Variants in PPWD1 observed in about 807,000 individuals in gnomAD.
The protein encoded by PPWD1 is peptidylprolyl isomerase domain and WD repeat containing 1.
PPWD1 carries 43 observed loss-of-function variants against 68.8 expected under a neutral mutation model. The observed-to-expected ratio is 0.62, with a 90% CI of 0.49 to 0.81. The LOEUF (loss-of-function observed/expected upper bound fraction) is 0.81, where lower values mean the gene tolerates loss of function less well. Ranked by LOEUF, PPWD1 falls within the 30% of genes least tolerant of loss-of-function variation. The pLI is 0.00. For missense variants in PPWD1, 672 were observed against 804.8 expected, an observed-to-expected ratio of 0.83 and a Z score of 2.00; for synonymous variants, 232 against 258.7, an observed-to-expected ratio of 0.90 and a Z score of 0.99.
chr5:65,579,234 C>T, intron 6 of PPWD1, 190 bp from the exon 7 acceptor site: 2 of 959,292 alleles, frequency 2.1e-6, no homozygotes, highest in Middle Eastern at 3.7e-4. Flanking sequence ...TGTTTTTTAA[C>T]CTGAAAATTA....
chr5:65,569,452 C>G (rs1752918280), intron 2 of PPWD1, 180 bp from the exon 3 acceptor site: 6 of 507,836 alleles, frequency 1.2e-5, no homozygotes, highest in Non-Finnish European at 1.9e-5. Context: ...TTTTGACATC[C>G]AGAAAGGAGT....
At position 65,576,957 on chromosome 5, in the gene PPWD1, T is replaced by G; in HGVS notation, c.1048T>G (p.Leu350Val). The G allele has an allele frequency of 6.2e-7, 1 of 1,613,984 alleles. No homozygotes were observed. The highest frequency in any genetic ancestry group is 1.1e-5 in the South Asian group (1 of 91,078). ...FGRRMAVERE[L>V]EKVDAVRLIN... The stretch of plus-strand genomic sequence containing the variant: ...CCGACGAATGGCTGTAGAACGTGAG[T>G]TGGAGAAGGTTGATGCTGTAAGATT... Residue 350 changes from leucine (L) to valine (V), a missense_variant, in exon 6 of 11, where the codon TTG (leucine) becomes GTG (valine). Coordinates refer to ENST00000261308, the MANE Select transcript of PPWD1 (RefSeq NM_015342.4).
At chr5:65,574,150 G>A (rs954882951) in intron 5 of PPWD1, among the ~76,000 whole-genome samples, 2 of 152,132 alleles carry the variant, frequency 1.3e-5, no homozygotes, top group Admixed American at 6.5e-5. Context: ...TGATTTGGTG[G>A]CACGTGGTAA....
chr5:65,572,176 T>C lies in PPWD1; in HGVS notation c.859T>C (p.Cys287Arg), dbSNP rs373825399. Residue 287 changes from cysteine (C) to arginine (R), a missense_variant, in exon 5 of 11, where the codon TGT (cysteine) becomes CGT (arginine). This residue lies in a region of PPWD1 where 484 missense variants were observed against 646.2 expected (regional missense o/e 0.75). Transcript: ENST00000261308. Reference sequence around the variant, plus strand: ...GTGTAAGGCTTATCCAACCAGCGTATGTTTTTCACCAGATGGGAAGAAAAT... The same window carrying C: ...GTGTAAGGCTTATCCAACCAGCGTACGTTTTTCACCAGATGGGAAGAAAAT... ...AKCKAYPTSV[C>R]FSPDGKKIAT... 9 of 1,613,870 alleles carry C rather than the reference T, an allele frequency of 5.6e-6. No homozygotes were observed. Among genetic ancestry groups the C allele is most frequent in the African/African-American group, 4.0e-5 (3 of 74,920 alleles).
At chr5:65,574,024 G>C (rs1229087056) in intron 5 of PPWD1, among the ~76,000 whole-genome samples, 1 of 152,188 alleles carries the variant, frequency 6.6e-6, no homozygotes, top group East Asian at 1.9e-4. Flanking sequence ...AACCTTTGTA[G>C]CAAAGTTTAT....
chr5:65,572,983 G>T (rs1753083745), intron 5 of PPWD1, among the ~76,000 whole-genome samples: 1 of 152,096 alleles, frequency 6.6e-6, no homozygotes, highest in Non-Finnish European at 1.5e-5. Context: ...TCATTCCTTT[G>T]CCTAGAACTT....
Position 65,583,053 on chromosome 5 carries a change from C to A in PPWD1, c.1366C>A (p.Pro456Thr). 2 of 1,587,770 alleles carry A rather than the reference C, an allele frequency of 1.3e-6. No individual in the cohort carries two copies. Among genetic ancestry groups the A allele is most frequent in the Non-Finnish European group, 1.7e-6 (2 of 1,167,492 alleles). The change falls in exon 8 of 11, where the codon CCA becomes ACA. Residue 456 changes from proline (P) to threonine (T), a missense_variant. Physicochemically the swap from Pro to Thr is conservative, Grantham distance 38. Coordinates refer to ENST00000261308, the MANE Select transcript of PPWD1 (RefSeq NM_015342.4). ...NRFYMFTKRE[P>T]EDTKSADSDR... ...CCTCCTTGAGTTTACCAAACGAGAA[C>A]CAGAAGATACGAAAAGTGCAGATTC...
At chr5:65,583,337 G>A (rs772814870) in intron 8 of PPWD1, 118 bp downstream of exon 8, 49 of 1,179,324 alleles carry the variant, frequency 4.2e-5, no homozygotes, top group South Asian at 1.1e-4. Flanking sequence ...TTGAAGAAAC[G>A]TTTGATAAAA....
At chr5:65,578,819 CTTT>C (rs1179550865) in intron 6 of PPWD1, among the ~76,000 whole-genome samples, 3 of 131,446 alleles carry the variant, frequency 2.3e-5, no homozygotes, top group Non-Finnish European at 3.2e-5. Context: ...TATATATATA[CTTT>C]TTTTTAAAAA....
intron 5 of PPWD1, among the ~76,000 whole-genome samples, chr5:65,573,476 T>TATATATA (rs201295161): frequency 1.0e-3 from 62 of 59,620 alleles, no homozygotes; most frequent in Non-Finnish European, 1.4e-3. Context: ...TATATATATA[T>TATATATA]TTTTTTTTTA....
chr5:65,563,651 C>T (rs1192744241), intron 1 of PPWD1, 145 bp downstream of exon 1: 4 of 1,327,362 alleles, frequency 3.0e-6, no homozygotes, highest in African/African-American at 3.1e-5. Flanking sequence ...CTACTCCATA[C>T]TTGCATGTCT....
At chr5:65,566,192 A>G (rs529925756) in intron 1 of PPWD1, among the ~76,000 whole-genome samples, 1 of 152,348 alleles carries the variant, frequency 6.6e-6, no homozygotes, top group South Asian at 2.1e-4. Flanking sequence ...GAAAAACCCA[A>G]AATAACGATG....
At chr5:65,573,187 T>C (rs1447782105) in intron 5 of PPWD1, among the ~76,000 whole-genome samples, 2 of 90,816 alleles carry the variant, frequency 2.2e-5, no homozygotes, top group African/African-American at 8.2e-5. Context: ...TCCCTCCTCA[T>C]ATTCCTCCAT....
Position 65,572,043 on chromosome 5 carries a change from C to T in PPWD1, c.726C>T (p.Asp242=). The T allele has an allele frequency of 6.2e-7, 1 of 1,613,960 alleles. No homozygotes were observed. The highest frequency in any genetic ancestry group is 8.5e-7 in the Non-Finnish European group (1 of 1,179,872). ...NPVYKAVVSS[D]KSGMIEYWTG... ...TTTACAAAGCAGTAGTGTCTTCTGA[C>T]AAATCTGGGATGATTGAATACTGGA... The change falls in exon 5 of 11, where the codon GAC becomes GAT. Residue 242 remains aspartate (D), a synonymous_variant. Transcript: ENST00000261308.
chr5:65,568,755 T>C (rs1752880803), intron 2 of PPWD1, among the ~76,000 whole-genome samples: 2 of 152,110 alleles, frequency 1.3e-5, no homozygotes, highest in African/African-American at 4.8e-5. Context: ...TATATAAATC[T>C]AAATAAAATA....
Position 65,569,742 on chromosome 5 carries a change from G to T in PPWD1, c.400+10G>T. ...TTTCGTAGTCACCTGGGTAAGAATTGCACCTCATTTTCTTGTAGCTCTTTC... is the reference window on the plus strand; with the variant it reads ...TTTCGTAGTCACCTGGGTAAGAATTTCACCTCATTTTCTTGTAGCTCTTTC... On this transcript the variant is annotated intron_variant, in intron 3 of 10. Coordinates refer to ENST00000261308, the MANE Select transcript of PPWD1 (RefSeq NM_015342.4). The T allele has an allele frequency of 6.2e-7, 1 of 1,603,634 alleles. No individual in the cohort carries two copies. The highest frequency in any genetic ancestry group is 8.5e-7 in the Non-Finnish European group (1 of 1,174,850).
rs755801658 is a variant in PPWD1 at position 65,586,179 on chromosome 5, A to G, written c.1795A>G (p.Thr599Ala). 6.2e-7 allele frequency: 1 copy of G among 1,611,272 alleles called. No individual in the cohort carries two copies. The highest frequency in any genetic ancestry group is 1.1e-5 in the South Asian group (1 of 90,718). ...GSQFFITVVP[T>A]PWLDNKHTVF... is the part of the protein sequence containing the mutation. ...CCAGTTTTTCATAACGGTAGTACCA[A>G]CGGTAAGTACAGTATCATTGTTTAT... Residue 599 changes from threonine to alanine, a missense_variant and splice_region_variant, in exon 10 of 11, where the codon ACG becomes GCG. Physicochemically the swap from Thr to Ala is moderately conservative, Grantham distance 58. Coordinates refer to ENST00000261308, the MANE Select transcript of PPWD1 (RefSeq NM_015342.4).
At chr5:65,584,545 C>T (rs1285027057) in intron 8 of PPWD1, among the ~76,000 whole-genome samples, 1 of 152,056 alleles carries the variant, frequency 6.6e-6, no homozygotes, top group Non-Finnish European at 1.5e-5. Flanking sequence ...ACCTATAATA[C>T]TATATGGAGT....
chr5:65,580,931 G>A (rs757928420), intron 7 of PPWD1, among the ~76,000 whole-genome samples: 1 of 151,902 alleles, frequency 6.6e-6, no homozygotes, highest in South Asian at 2.1e-4. Context: ...TTATTTTTTT[G>A]GCCTCTGACG....
Sources: allele counts gnomAD v4.1 joint callset (sites outside exome capture counted in the v4.1 genomes callset), GRCh38; gene constraint gnomAD v4.1.1; regional missense constraint gnomAD v4.1.1; transcripts MANE v1.5; gene names NCBI Gene and HGNC (gene_info 2026-07-23, HGNC 2026-07-21).